Variants in BCAS3 observed in about 807,000 individuals in gnomAD.
The protein encoded by BCAS3 is BCAS3 microtubule associated cell migration factor.
Under a neutral mutation model 116.1 loss-of-function variants are expected in BCAS3, and 53 were observed. The observed-to-expected ratio is 0.46, with a 90% CI of 0.37 to 0.57. The LOEUF is 0.57. BCAS3 is among the 20% of genes least tolerant of loss of function. The pLI, the probability that BCAS3 is intolerant of heterozygous loss-of-function variation, is 0.00. For missense variants in BCAS3, 917 were observed against 1,165.4 expected (o/e 0.79, Z 3.10); for synonymous variants, 391 against 408.2 (o/e 0.96, Z 0.51).
intron 22 of BCAS3, among the ~76,000 whole-genome samples, chr17:61,270,784 C>T (rs530546732): frequency 1.9e-4 from 29 of 152,158 alleles, no homozygotes; most frequent in African/African-American, 6.5e-4. Flanking sequence ...CTCTTGTTGC[C>T]CAGGCTGGAG....
At chr17:60,795,970 G>T (rs569358255) in intron 6 of BCAS3, among the ~76,000 whole-genome samples, 1 of 152,304 alleles carries the variant, frequency 6.6e-6, no homozygotes, top group Non-Finnish European at 1.5e-5. Context: ...GATTACAGGT[G>T]TGAGCCACCA....
At chr17:61,040,182 G>A (rs560758018) in intron 18 of BCAS3, among the ~76,000 whole-genome samples, 1 of 152,272 alleles carries the variant, frequency 6.6e-6, no homozygotes, top group East Asian at 1.9e-4. Context: ...AAATATTCTT[G>A]TATTGATTTT....
chr17:61,347,319 T>G lies in BCAS3; in HGVS notation c.2426-21008T>G, dbSNP rs1052038336. On this transcript the variant is annotated intron_variant, in intron 22 of 23. Coordinates refer to ENST00000407086, the MANE Select transcript of BCAS3 (RefSeq NM_017679.5). The surrounding 1 kb of genome is among the most constrained non-coding windows in gnomAD (Gnocchi z 4.3). Reference sequence around the variant, plus strand: ...CTGGTCTCGATATGCTGACCTCAGGTGATCCACCCACCTCAGCCTCCCAAA... The same window carrying G: ...CTGGTCTCGATATGCTGACCTCAGGGGATCCACCCACCTCAGCCTCCCAAA... Among the ~76,000 whole-genome samples, 2 of 152,112 alleles carry G rather than the reference T, an allele frequency of 1.3e-5. No individual in the cohort carries two copies. Among genetic ancestry groups the G allele is most frequent in the African/African-American group, 4.8e-5 (2 of 41,424 alleles).
intron 15 of BCAS3, among the ~76,000 whole-genome samples, chr17:61,011,161 A>C (rs778057569): frequency 1.3e-5 from 2 of 152,098 alleles, no homozygotes; most frequent in Non-Finnish European, 2.9e-5. Flanking sequence ...AAAAAATAGA[A>C]GAGTATAGTA....
chr17:60,813,252 A>G (rs989158271), intron 7 of BCAS3, among the ~76,000 whole-genome samples: 5 of 151,642 alleles, frequency 3.3e-5, no homozygotes, highest in Admixed American at 2.0e-4. Flanking sequence ...AGATTTATAT[A>G]TTTACAATTT....
rs753647735 is a variant in BCAS3 at position 61,040,821 on chromosome 17, C to T, written c.1958C>T (p.Pro653Leu). Residue 653 changes from proline to leucine, a missense_variant, in exon 19 of 24, where the codon CCG becomes CTG. By Grantham distance (98) the Pro-to-Leu change is moderately conservative. This residue lies in a region of BCAS3 where 807 missense variants were observed against 1,026.0 expected (regional missense o/e 0.79). Coordinates refer to ENST00000407086, the MANE Select transcript of BCAS3 (RefSeq NM_017679.5). The stretch of plus-strand genomic sequence containing the variant: ...CCTCAATGGAATGAATTGCAGCCAC[C>T]GTTTAATGCAAACCACCCTCTGCTC... ...RTPQWNELQPPFNANHPLLLA... is the reference protein window; with the variant it reads ...RTPQWNELQPLFNANHPLLLA... The T allele has an allele frequency of 4.3e-6, 7 of 1,614,044 alleles. No individual in the cohort carries two copies. Among genetic ancestry groups the T allele is most frequent in the East Asian group, 4.5e-5 (2 of 44,876 alleles).
chr17:61,287,125 G>A (rs1352946492), intron 22 of BCAS3, among the ~76,000 whole-genome samples: 1 of 151,548 alleles, frequency 6.6e-6, no homozygotes, highest in Non-Finnish European at 1.5e-5. Context: ...GCGGGCACCT[G>A]TAGTCTTAGC....
chr17:60,822,191 C>T (rs1043090899), intron 7 of BCAS3, among the ~76,000 whole-genome samples: 1 of 152,178 alleles, frequency 6.6e-6, no homozygotes, highest in Non-Finnish European at 1.5e-5. Context: ...TACAATTTTA[C>T]ATCTACAAGT....
chr17:61,211,063 T>G lies in BCAS3; in HGVS notation c.2425+126499T>G, dbSNP rs116421634. On this transcript the variant is annotated intron_variant, in intron 22 of 23. Transcript: ENST00000407086. This position sits in a 1 kb window ranked among gnomAD's most constrained non-coding sequence, Gnocchi z 4.4. The stretch of plus-strand genomic sequence containing the variant: ...CCCAAGCTAGGGTCCCAGCGCTGGG[T>G]GGGGGACAGGAGAAAAGGCCTGAGG... Among the ~76,000 whole-genome samples, 1,362 of 151,348 alleles carry G rather than the reference T, an allele frequency of 9.0e-3. 16 individuals carry two copies. The highest frequency in any genetic ancestry group is 0.032 in the African/African-American group (1,312 of 41,178).
At chr17:60,830,525 G>A (rs2050823018) in intron 7 of BCAS3, among the ~76,000 whole-genome samples, 1 of 152,096 alleles carries the variant, frequency 6.6e-6, no homozygotes, top group Non-Finnish European at 1.5e-5. Context: ...TTAAAATGCT[G>A]TATGACCCTC....
intron 13 of BCAS3, among the ~76,000 whole-genome samples, chr17:60,939,714 C>T (rs768475683): frequency 6.6e-6 from 1 of 152,134 alleles, no homozygotes; most frequent in Non-Finnish European, 1.5e-5. Context: ...TTTTTGAATG[C>T]TCTTTCTCTT....
intron 16 of BCAS3, among the ~76,000 whole-genome samples, chr17:61,024,345 A>G (rs186941098): frequency 3.9e-4 from 60 of 152,284 alleles, no homozygotes; most frequent in East Asian, 1.4e-3. Flanking sequence ...ATACATGCCA[A>G]TTGTACATGC....
intron 14 of BCAS3, among the ~76,000 whole-genome samples, chr17:60,982,463 G>A (rs939876715): frequency 9.2e-5 from 14 of 152,124 alleles, no homozygotes; most frequent in South Asian, 6.2e-4. Context: ...GCATCATTGC[G>A]CCTCGCTTGC....
At chr17:60,691,841 G>A (rs976625181) in intron 4 of BCAS3, among the ~76,000 whole-genome samples, 6 of 151,630 alleles carry the variant, frequency 4.0e-5, no homozygotes, top group Non-Finnish European at 8.8e-5. Context: ...ACAATTTGTT[G>A]GGTCCTCTTT....
At chr17:60,877,218 A>G (rs1225678775) in intron 9 of BCAS3, among the ~76,000 whole-genome samples, 2 of 152,000 alleles carry the variant, frequency 1.3e-5, no homozygotes, top group Non-Finnish European at 2.9e-5. Flanking sequence ...ATATATATGC[A>G]TAGATGAATG....
At chr17:61,093,909 A>G (rs1384584401) in intron 22 of BCAS3, among the ~76,000 whole-genome samples, 2 of 152,168 alleles carry the variant, frequency 1.3e-5, no homozygotes, top group Non-Finnish European at 2.9e-5. Context: ...ACACATGTGC[A>G]TTTGTACGAA....
In BCAS3 at chr17:61,315,975, A is replaced by T. The variant is rs977278122; in HGVS notation, c.2426-52352A>T. On this transcript the variant is annotated intron_variant, in intron 22 of 23. Coordinates refer to ENST00000407086, the MANE Select transcript of BCAS3 (RefSeq NM_017679.5). The surrounding 1 kb of genome is among the most constrained non-coding windows in gnomAD (Gnocchi z 5.3). ...TTTAGGACCAGGATTTTCCCTTTTC[A>T]TGTGTGTTTTCCAGTGTCTAGGATA... 6.6e-6 allele frequency among the ~76,000 whole-genome samples: 1 copy of T among 151,880 alleles called. No individual in the cohort carries two copies. Among genetic ancestry groups the T allele is most frequent in the Non-Finnish European group, 1.5e-5 (1 of 67,956 alleles).
intron 4 of BCAS3, among the ~76,000 whole-genome samples, chr17:60,691,959 G>A (rs988010773): frequency 1.7e-4 from 25 of 151,328 alleles, no homozygotes; most frequent in African/African-American, 6.1e-4. Flanking sequence ...GAAATTAGAA[G>A]TAGAAGCAGT....
In BCAS3 at chr17:60,995,052, A is replaced by C. The variant is rs1229871338; in HGVS notation, c.1486+4817A>C. Among the ~76,000 whole-genome samples, 1 of 152,058 alleles carries C rather than the reference A, an allele frequency of 6.6e-6. No homozygotes were observed. Among genetic ancestry groups the C allele is most frequent in the Non-Finnish European group, 1.5e-5 (1 of 68,008 alleles). ...GAGTGCAGTGGCGCCATCTCGGCTC[A>C]CTGCAAGCTCCGCCTCCTGGGTTCA... is the stretch of plus-strand genomic sequence containing the variant. On this transcript the variant is annotated intron_variant, in intron 15 of 23. Coordinates refer to ENST00000407086, the MANE Select transcript of BCAS3 (RefSeq NM_017679.5). The surrounding 1 kb of genome is among the most constrained non-coding windows in gnomAD (Gnocchi z 4.7).
Sources: allele counts gnomAD v4.1 joint callset (sites outside exome capture counted in the v4.1 genomes callset), GRCh38; gene constraint gnomAD v4.1.1; regional missense constraint gnomAD v4.1.1; non-coding constraint Gnocchi (gnomAD v3.1); transcripts MANE v1.5; gene names NCBI Gene and HGNC (gene_info 2026-07-23, HGNC 2026-07-21).